The following TNFSF11 variants were observed in gnomAD, a reference collection of about 807,000 sequenced individuals.
TNFSF11 encodes TNF superfamily member 11, also known as tumor necrosis factor ligand superfamily member 11.
In TNFSF11, 12 loss-of-function variants were observed where a neutral mutation model predicts 32.2. That is an observed-to-expected ratio of 0.37 (90% CI 0.24 to 0.60). The LOEUF (loss-of-function observed/expected upper bound fraction) is 0.60. TNFSF11 is among the 20% of genes least tolerant of loss of function. The pLI, the probability that TNFSF11 is intolerant of heterozygous loss-of-function variation, is 0.66. For missense variants in TNFSF11, 345 were observed against 398.0 expected (o/e 0.87, Z 1.13); for synonymous variants, 172 against 152.1 (o/e 1.13, Z -0.96).
intron 2 of TNFSF11, 75 bp downstream of exon 2, chr13:42,581,368 G>A (rs966999733): frequency 3.3e-6 from 5 of 1,519,404 alleles, no homozygotes; most frequent in Admixed American, 1.7e-5. Context: ...AACTGGCTAA[G>A]TGCTGTTGAC....
rs1869476499 is a variant in TNFSF11 at position 42,606,746 on chromosome 13, C to T, written c.782C>T (p.Thr261Ile). ...CATACCCTGATGAAAGGAGGAAGCA[C>T]CAAGTATTGGTCAGGGAATTCTGAA... is the stretch of plus-strand genomic sequence containing the variant. ...SSHTLMKGGS[T>I]KYWSGNSEFH... Residue 261 changes from threonine (T) to isoleucine (I), a missense_variant, in exon 5 of 5, where the codon ACC (threonine) becomes ATC (isoleucine). This residue lies in a region of TNFSF11 where 148 missense variants were observed against 216.0 expected (regional missense o/e 0.69). Transcript: ENST00000398795. 1.2e-6 allele frequency: 2 copies of T among 1,614,174 alleles called. No homozygotes were observed. The highest frequency in any genetic ancestry group is 1.7e-6 in the Non-Finnish European group (2 of 1,180,026).
At chr13:42,591,064 A>G (rs1868444712) in intron 2 of TNFSF11, among the ~76,000 whole-genome samples, 2 of 152,038 alleles carry the variant, frequency 1.3e-5, no homozygotes. Flanking sequence ...ATCTTGGTAA[A>G]GTTTTTCACT....
chr13:42,567,082 G>T (rs1254948099), intron 2 of TNFSF11, among the ~76,000 whole-genome samples: 1 of 152,016 alleles, frequency 6.6e-6, no homozygotes, highest in Non-Finnish European at 1.5e-5. Flanking sequence ...AAAAATAAGA[G>T]TTTCAAAGAA....
At chr13:42,580,065 G>A (rs1216362931) in intron 1 of TNFSF11, among the ~76,000 whole-genome samples, 1 of 152,004 alleles carries the variant, frequency 6.6e-6, no homozygotes, top group East Asian at 1.9e-4. Flanking sequence ...TCATTAATTT[G>A]ACTGAGCTTT....
chr13:42,582,455 T>G (rs530387926), intron 2 of TNFSF11, among the ~76,000 whole-genome samples: 7 of 152,358 alleles, frequency 4.6e-5, no homozygotes, highest in Admixed American at 1.3e-4. Flanking sequence ...CTTTGTTATT[T>G]CATGCATCAC....
intron 2 of TNFSF11, 33 bp downstream of exon 2, chr13:42,581,326 C>T (rs200989593): frequency 6.2e-7 from 1 of 1,611,724 alleles, no homozygotes; most frequent in Non-Finnish European, 8.5e-7. Context: ...AAGTCAAGGG[C>T]CCTTGCTGAC....
rs9533159 is a variant in TNFSF11 at position 42,580,823 on chromosome 13, T to A, written c.220-303T>A. Among the ~76,000 whole-genome samples, 4 of 152,048 alleles carry A rather than the reference T, an allele frequency of 2.6e-5. No homozygotes were observed. In the East Asian group the frequency reaches 7.8e-4, roughly 30 times the overall value. Reference sequence around the variant, plus strand: ...TGGTGCCCCTCCCCTCTATGAACACTTTCATGTTGTTAGACAAGTTTGACA... The same window carrying A: ...TGGTGCCCCTCCCCTCTATGAACACATTCATGTTGTTAGACAAGTTTGACA... On this transcript the variant is annotated intron_variant, in intron 1 of 4. Coordinates refer to ENST00000398795, the MANE Select transcript of TNFSF11 (RefSeq NM_003701.4).
chr13:42,571,734 T>C (rs1873076132), upstream of TNFSF11: 1 of 152,194 alleles, frequency 6.6e-6, no homozygotes, highest in South Asian at 2.1e-4. Flanking sequence ...ACCAAAGAAT[T>C]GCAGGTATGG....
chr13:42,571,807 G>T (rs1334990264), upstream of TNFSF11: 1 of 152,150 alleles, frequency 6.6e-6, no homozygotes, highest in East Asian at 1.9e-4. Context: ...ATTCTTCAGG[G>T]GGCAAGTGTG....
At position 42,606,339 on chromosome 13, in the gene TNFSF11, A is replaced by G. The variant is rs893837340; in HGVS notation, c.533-158A>G. On this transcript the variant is annotated intron_variant, in intron 4 of 4. Transcript: ENST00000398795. ...AACAGAATGCACCAAGTACATCTGAATGTATTCTCCCCTTCTAGAAAAGAA... is the reference window on the plus strand; with the variant it reads ...AACAGAATGCACCAAGTACATCTGAGTGTATTCTCCCCTTCTAGAAAAGAA... Among the ~76,000 whole-genome samples the G allele has an allele frequency of 9.1e-4, 139 of 152,346 alleles. 2 individuals are homozygous for G. The highest frequency in any genetic ancestry group is 1.1e-3 in the Non-Finnish European group (72 of 68,034).
intron 2 of TNFSF11, among the ~76,000 whole-genome samples, chr13:42,594,380 G>A (rs565179720): frequency 1.3e-5 from 2 of 151,740 alleles, no homozygotes; most frequent in East Asian, 1.9e-4. Context: ...ACTGCACCAG[G>A]CCTATTTATA....
At chr13:42,599,372 C>CTATCTATCTATCTATCTATCTATCTATT (rs1555310750) in intron 2 of TNFSF11, among the ~76,000 whole-genome samples, 4 of 150,950 alleles carry the variant, frequency 2.6e-5, no homozygotes, top group Admixed American at 6.6e-5. Context: ...ATCTATCTAT[C>CTATCTATCTATCTATCTATCTATCTATT]TATCTATCTA....
chr13:42,593,466 C>G (rs1868617314), intron 2 of TNFSF11, among the ~76,000 whole-genome samples: 1 of 152,058 alleles, frequency 6.6e-6, no homozygotes, highest in East Asian at 1.9e-4. Context: ...AGCTATTATG[C>G]TAGTCCTAAT....
At chr13:42,596,622 A>C (rs1429211134) in intron 2 of TNFSF11, among the ~76,000 whole-genome samples, 1 of 152,238 alleles carries the variant, frequency 6.6e-6, no homozygotes, top group Non-Finnish European at 1.5e-5. Flanking sequence ...AGTAGTAGTT[A>C]TAGTTTTCCA....
chr13:42,586,609 A>G (rs1873913558), intron 2 of TNFSF11, among the ~76,000 whole-genome samples: 1 of 152,188 alleles, frequency 6.6e-6, no homozygotes, highest in Non-Finnish European at 1.5e-5. Context: ...GTGAACTAAA[A>G]ACATGATTCT....
chr13:42,573,987 A>G (rs1428765988), upstream of TNFSF11, among the ~76,000 whole-genome samples: 1 of 152,030 alleles, frequency 6.6e-6, no homozygotes, highest in Non-Finnish European at 1.5e-5. Context: ...GAGGGCCCCC[A>G]TGAAGGAGGC....
At chr13:42,576,636 A>G (rs1302792952) in intron 1 of TNFSF11, among the ~76,000 whole-genome samples, 4 of 152,206 alleles carry the variant, frequency 2.6e-5, no homozygotes, top group Non-Finnish European at 5.9e-5. Context: ...TAAAAAGGCT[A>G]TCTCCTTCAG....
intron 2 of TNFSF11, among the ~76,000 whole-genome samples, chr13:42,567,311 A>G (rs1271639278): frequency 6.6e-6 from 1 of 152,252 alleles, no homozygotes; most frequent in Non-Finnish European, 1.5e-5. Flanking sequence ...AGATAATATT[A>G]ATGAATTAAA....
chr13:42,574,119 C>A (rs1873174578), upstream of TNFSF11: 2 of 687,644 alleles, frequency 2.9e-6, no homozygotes, highest in South Asian at 1.9e-5. Flanking sequence ...GCTCTCCAAG[C>A]GGTTTATAAG....
Sources: gnomAD v4.1 joint callset for allele counts (sites outside exome capture counted in the v4.1 genomes callset) on GRCh38, gnomAD v4.1.1 for gene constraint, gnomAD v4.1.1 regional missense constraint, MANE v1.5 for transcripts, NCBI Gene and HGNC (gene_info 2026-07-23, HGNC 2026-07-21) for gene names.